Variants in SLC4A4 observed in about 807,000 individuals in gnomAD.
The protein encoded by SLC4A4 is electrogenic sodium bicarbonate cotransporter 1.
SLC4A4 carries 27 observed loss-of-function variants against 111.5 expected under a neutral mutation model. The ratio of observed to expected loss-of-function variants is 0.24; its 90% CI spans 0.18 to 0.33. The LOEUF (loss-of-function observed/expected upper bound fraction) is 0.33. SLC4A4 is among the 10% of genes least tolerant of loss of function. The pLI is 1.00. For missense variants in SLC4A4, 909 were observed against 1,315.5 expected, an observed-to-expected ratio of 0.69 and a Z score of 4.78; for synonymous variants, 443 against 463.4, an observed-to-expected ratio of 0.96 and a Z score of 0.57.
chr4:71,071,176 C>T (rs750288964), intron 1 of SLC4A4, among the ~76,000 whole-genome samples: 4 of 150,808 alleles, frequency 2.7e-5, no homozygotes, highest in Non-Finnish European at 4.4e-5. Flanking sequence ...GAGACTGAGG[C>T]AGAGAATTGC....
chr4:71,237,447 TAAATG>T (rs1205808759), intron 2 of SLC4A4, among the ~76,000 whole-genome samples: 1 of 152,246 alleles, frequency 6.6e-6, no homozygotes, highest in African/African-American at 2.4e-5. Flanking sequence ...TACTCAAAGT[TAAATG>T]AAACTTGCAG....
intron 13 of SLC4A4, among the ~76,000 whole-genome samples, chr4:71,470,866 A>G (rs1008083481): frequency 2.0e-5 from 3 of 151,954 alleles, no homozygotes; most frequent in African/African-American, 4.8e-5. Context: ...GGGAAGGTCA[A>G]TCTTTTTTGT....
intron 3 of SLC4A4, among the ~76,000 whole-genome samples, chr4:71,262,137 T>C (rs1268645772): frequency 6.6e-6 from 1 of 152,206 alleles, no homozygotes; most frequent in Non-Finnish European, 1.5e-5. Context: ...TGAGTGTGTG[T>C]GATTTGAATG....
At chr4:71,210,360 A>G (rs1156814845) in intron 1 of SLC4A4, among the ~76,000 whole-genome samples, 3 of 152,262 alleles carry the variant, frequency 2.0e-5, no homozygotes, top group Admixed American at 6.5e-5. Context: ...CAATCTGTCA[A>G]AAAACATGAT....
chr4:71,314,908 T>A (rs534642630), intron 3 of SLC4A4, among the ~76,000 whole-genome samples: 1 of 152,082 alleles, frequency 6.6e-6, no homozygotes, highest in African/African-American at 2.4e-5. Flanking sequence ...GTTCAGCACA[T>A]GTATCCCAGA....
At chr4:71,315,521 C>A (rs904377693) in intron 3 of SLC4A4, among the ~76,000 whole-genome samples, 6 of 152,072 alleles carry the variant, frequency 3.9e-5, no homozygotes, top group Non-Finnish European at 2.9e-5. Flanking sequence ...CTGATGTGGA[C>A]CTTTTTCAAT....
At position 71,470,623 on chromosome 4, in the gene SLC4A4, T is replaced by C. The variant is rs1051817579; in HGVS notation, c.1632-2076T>C. Among the ~76,000 whole-genome samples the C allele has an allele frequency of 4.6e-5, 7 of 152,170 alleles. No homozygotes were observed. In the East Asian group the frequency reaches 1.4e-3, roughly 30 times the overall value. On this transcript the variant is annotated intron_variant, in intron 13 of 25. Transcript: ENST00000264485. ...AGTTGTAATTTGACAGATTGGTGTC[T>C]GTATTAGCCAGTGTTCTCCAGAGAA...
chr4:71,177,971 CA>C (rs761626998), intron 2 of SLC4A4, among the ~76,000 whole-genome samples: 4 of 152,178 alleles, frequency 2.6e-5, no homozygotes, highest in Non-Finnish European at 4.4e-5. Flanking sequence ...GAAATTATAA[CA>C]AACTGTCTCT....
At chr4:71,156,565 TGCGCGCATGC>T (rs1239486520) in intron 2 of SLC4A4, among the ~76,000 whole-genome samples, 2 of 27,398 alleles carry the variant, frequency 7.3e-5, no homozygotes, top group African/African-American at 8.7e-5. Flanking sequence ...AATAAGTGTG[TGCGCGCATGC>T]GCGCGCGCGC....
rs140722632 is a variant in SLC4A4 at position 71,174,407 on chromosome 4, C to T, written c.-1-62169C>T. Among the ~76,000 whole-genome samples, 744 of 152,032 alleles carry T rather than the reference C, an allele frequency of 4.9e-3. 7 individuals carry two copies. Among genetic ancestry groups the T allele is most frequent in the African/African-American group, 0.017 (700 of 41,436 alleles). ...TGGTATTAACAGGTGTGCACCACTA[C>T]GCCCAGCTAATTGTATTTTTAGTAG... On this transcript the variant is annotated intron_variant, in intron 2 of 26. Coordinates refer to the SLC4A4 transcript ENST00000649996.
rs139000038 is a variant in SLC4A4, at chr4:71,213,421, T to C, written c.-1-23155T>C. On this transcript the variant is annotated intron_variant, in intron 1 of 25. Transcript: ENST00000264485. ...AGACTAAAACACAAGAAAGCTCTGCTTTCAGGCTGGTGGGCTTGAAAGCAG... is the reference window on the plus strand; with the variant it reads ...AGACTAAAACACAAGAAAGCTCTGCCTTCAGGCTGGTGGGCTTGAAAGCAG... Among the ~76,000 whole-genome samples the C allele has an allele frequency of 9.3e-4, 141 of 152,350 alleles. 1 individual carries two copies. The highest frequency in any genetic ancestry group is 3.4e-3 in the Middle Eastern group (1 of 294).
chr4:71,310,028 G>A (rs1045063684), intron 3 of SLC4A4, among the ~76,000 whole-genome samples: 3 of 151,736 alleles, frequency 2.0e-5, no homozygotes, highest in East Asian at 3.9e-4. Flanking sequence ...CGAGAACTTC[G>A]TGAAGCATAT....
intron 1 of SLC4A4, among the ~76,000 whole-genome samples, chr4:71,196,874 A>AAAAAAAC (rs1746032213): frequency 7.1e-6 from 1 of 140,938 alleles, no homozygotes; most frequent in Non-Finnish European, 1.5e-5. Context: ...AAAAAAAAAA[A>AAAAAAAC]TGCAGACAGA....
chr4:71,101,896 C>A (rs1742750988), intron 2 of SLC4A4, among the ~76,000 whole-genome samples: 1 of 151,916 alleles, frequency 6.6e-6, no homozygotes, highest in South Asian at 2.1e-4. Context: ...AGTTCCTCAC[C>A]AGCAATGGAA....
chr4:71,170,322 A>G (rs1744900752), intron 2 of SLC4A4, among the ~76,000 whole-genome samples: 1 of 152,342 alleles, frequency 6.6e-6, no homozygotes, highest in South Asian at 2.1e-4. Context: ...AATCTTGTGT[A>G]TAATAGGCAT....
intron 3 of SLC4A4, among the ~76,000 whole-genome samples, chr4:71,309,151 G>C (rs907780139): frequency 1.3e-5 from 2 of 152,200 alleles, no homozygotes; most frequent in Non-Finnish European, 2.9e-5. Flanking sequence ...TGGCTAGACT[G>C]CCTTTCTAGA....
intron 16 of SLC4A4, among the ~76,000 whole-genome samples, chr4:71,510,832 T>G (rs1731849403): frequency 6.6e-6 from 1 of 152,140 alleles, no homozygotes; most frequent in African/African-American, 2.4e-5. Flanking sequence ...ATTAGATAAT[T>G]TTTTCCACTG....
chr4:71,096,566 T>C (rs1382075027), intron 2 of SLC4A4, among the ~76,000 whole-genome samples: 2 of 152,136 alleles, frequency 1.3e-5, no homozygotes, highest in African/African-American at 4.8e-5. Context: ...AAAAAAATCG[T>C]TAGTGCAAAA....
At chr4:71,296,453 A>G (rs143793587) in intron 3 of SLC4A4, among the ~76,000 whole-genome samples, 337 of 152,326 alleles carry the variant, frequency 2.2e-3, no homozygotes, top group African/African-American at 7.9e-3. Flanking sequence ...CAGCATTTCT[A>G]TATTAAAAGA....
Sources: allele counts gnomAD v4.1 joint callset (sites outside exome capture counted in the v4.1 genomes callset), GRCh38; gene constraint gnomAD v4.1.1; transcripts MANE v1.5; gene names NCBI Gene and HGNC (gene_info 2026-07-23, HGNC 2026-07-21).